Variants in PSAP observed in about 807,000 individuals in gnomAD.
PSAP encodes the protein prosaposin, also known as precursor of saposins.
In PSAP, 25 loss-of-function variants were observed where a neutral mutation model predicts 66.0. The ratio of observed to expected loss-of-function variants is 0.38; its 90% CI spans 0.28 to 0.53. The LOEUF (loss-of-function observed/expected upper bound fraction) is 0.53. PSAP is among the 20% of genes least tolerant of loss of function. The pLI, the probability that PSAP is intolerant of heterozygous loss-of-function variation, is 0.83. For synonymous variants in PSAP, 273 were observed against 258.9 expected (o/e 1.05, Z -0.52); for missense variants, 649 against 668.8 (o/e 0.97, Z 0.33).
Position 71,836,875 on chromosome 10 carries a change from T to C in PSAP, c.41-2370A>G, listed in dbSNP as rs555615861. Among the ~76,000 whole-genome samples the C allele has an allele frequency of 6.0e-4, 92 of 152,302 alleles. 1 individual carries two copies. The highest frequency in any genetic ancestry group is 7.1e-4 in the Non-Finnish European group (48 of 68,016). On this transcript the variant is annotated intron_variant, in intron 1 of 13. Transcript: ENST00000394936. ...TACTTCCTCTAGGAATGTGAAACAA[T>C]AATCGTTTTCCATGATGACTTTGTT...
At chr10:71,831,698 A>C in intron 3 of PSAP, 148 bp downstream of exon 3, 3 of 817,548 alleles carry the variant, frequency 3.7e-6, no homozygotes, top group Non-Finnish European at 6.3e-6. Flanking sequence ...CATATACCCT[A>C]AAATCTTTTC....
intron 5 of PSAP, 91 bp downstream of exon 5, chr10:71,828,786 T>G: frequency 7.0e-7 from 1 of 1,429,648 alleles, no homozygotes; most frequent in Non-Finnish European, 9.7e-7. Flanking sequence ...AAGCCCCAGT[T>G]TAAGAACCAC....
At chr10:71,831,728 G>T in intron 3 of PSAP, 118 bp downstream of exon 3, 1 of 992,308 alleles carries the variant, frequency 1.0e-6, no homozygotes, top group Non-Finnish European at 1.6e-6. Context: ...CTTTGTGGAA[G>T]ACATTTGCCA....
intron 6 of PSAP, 124 bp downstream of exon 6, chr10:71,827,890 A>G (rs900346922): frequency 7.6e-7 from 1 of 1,319,894 alleles, no homozygotes; most frequent in Non-Finnish European, 1.1e-6. Flanking sequence ...TCAAGTCTGC[A>G]CTACCTATTC....
chr10:71,827,225 T>C (rs1016024459), intron 6 of PSAP, among the ~76,000 whole-genome samples: 13 of 150,422 alleles, frequency 8.6e-5, no homozygotes, highest in Non-Finnish European at 1.8e-4. Context: ...TGAAACCCCG[T>C]CTCCACTAAA....
At chr10:71,839,988 AC>A in intron 1 of PSAP, among the ~76,000 whole-genome samples, 1 of 152,316 alleles carries the variant, frequency 6.6e-6, no homozygotes, top group Non-Finnish European at 1.5e-5. Context: ...TTCCTGGCTT[AC>A]CCCAGTGAGG....
chr10:71,844,778 TA>T (rs1220834856), intron 1 of PSAP: 13 of 152,228 alleles, frequency 8.5e-5, no homozygotes, highest in Admixed American at 8.5e-4. Flanking sequence ...AGACAAATTC[TA>T]AAAGACATAA....
At chr10:71,846,304 A>T (rs527506635) in intron 1 of PSAP, among the ~76,000 whole-genome samples, 1 of 152,272 alleles carries the variant, frequency 6.6e-6, no homozygotes, top group African/African-American at 2.4e-5. Context: ...ACAAAATTAC[A>T]AATGCCACAA....
chr10:71,833,721 C>T (rs540725568), intron 2 of PSAP, among the ~76,000 whole-genome samples: 2 of 152,200 alleles, frequency 1.3e-5, no homozygotes, highest in African/African-American at 2.4e-5. Flanking sequence ...GGCTTGGGAC[C>T]GTGAGGAACA....
intron 8 of PSAP, among the ~76,000 whole-genome samples, chr10:71,820,803 G>C (rs1176244262): frequency 6.6e-6 from 1 of 152,204 alleles, no homozygotes; most frequent in African/African-American, 2.4e-5. Context: ...TAGCACTTGA[G>C]AATGCTCTTC....
chr10:71,819,781 C>A lies in PSAP; in HGVS notation c.1125G>T (p.Glu375Asp), dbSNP rs781092608. ...GSSILSILLE[E>D]VSPELVCSML... ...TGCTGCACACCAGCTCAGGGCTGAC[C>A]TCCTCCAGCAGGATGGACAGGATGG... Residue 375 changes from glutamate (E) to aspartate (D), a missense_variant, in exon 10 of 14, where the codon GAG (glutamate) becomes GAT (aspartate). By Grantham distance (45) the Glu-to-Asp change is conservative. Coordinates refer to ENST00000394936, the MANE Select transcript of PSAP (RefSeq NM_002778.4). 6.2e-7 allele frequency: 1 copy of A among 1,614,078 alleles called. No individual in the cohort carries two copies. Among genetic ancestry groups the A allele is most frequent in the South Asian group, 1.1e-5 (1 of 91,084 alleles).
At chr10:71,843,750 T>C (rs1842771700) in intron 1 of PSAP, among the ~76,000 whole-genome samples, 1 of 152,188 alleles carries the variant, frequency 6.6e-6, no homozygotes, top group African/African-American at 2.4e-5. Context: ...CCAAGGGCAA[T>C]GTGGCATACT....
At chr10:71,825,469 C>T (rs1307725185) in intron 7 of PSAP, among the ~76,000 whole-genome samples, 4 of 152,216 alleles carry the variant, frequency 2.6e-5, no homozygotes, top group African/African-American at 7.2e-5. Flanking sequence ...AGTATTCCCC[C>T]GACTCAGGTG....
chr10:71,849,269 T>G (rs1205560310), intron 1 of PSAP, among the ~76,000 whole-genome samples: 1 of 152,226 alleles, frequency 6.6e-6, no homozygotes, highest in Non-Finnish European at 1.5e-5. Context: ...AAAACAAATT[T>G]AAGAGCTTCG....
intron 7 of PSAP, chr10:71,823,983 A>G (rs1842352570): frequency 4.7e-6 from 5 of 1,056,080 alleles, no homozygotes; most frequent in Non-Finnish European, 6.4e-6. Context: ...ACAACAATCA[A>G]GCAGTTAACC....
At chr10:71,831,444 A>C (rs1487701973) in intron 3 of PSAP, among the ~76,000 whole-genome samples, 193 bp from the exon 4 acceptor site, 6 of 152,214 alleles carry the variant, frequency 3.9e-5, no homozygotes, top group Admixed American at 1.3e-4. Context: ...ATGAGCATTC[A>C]AAATGAAAAT....
chr10:71,830,704 G>A (rs979861753), intron 4 of PSAP, among the ~76,000 whole-genome samples: 1 of 152,334 alleles, frequency 6.6e-6, no homozygotes, highest in Non-Finnish European at 1.5e-5. Context: ...CAGGGTTTGT[G>A]TCTGTGTACA....
intron 5 of PSAP, among the ~76,000 whole-genome samples, chr10:71,828,564 A>C (rs1265090603): frequency 6.6e-6 from 1 of 152,106 alleles, no homozygotes. Flanking sequence ...AGGATCACTT[A>C]AGCCTCAGAG....
intron 2 of PSAP, 82 bp downstream of exon 2, chr10:71,834,290 T>C: frequency 1.2e-6 from 2 of 1,600,422 alleles, no homozygotes; most frequent in South Asian, 1.1e-5. Context: ...AAGTGCTCTG[T>C]CAATATGGCA....
Sources: gnomAD v4.1 joint callset for allele counts (sites outside exome capture counted in the v4.1 genomes callset) on GRCh38, gnomAD v4.1.1 for gene constraint, MANE v1.5 for transcripts, NCBI Gene and HGNC (gene_info 2026-07-23, HGNC 2026-07-21) for gene names.